COL19A1: variants seen among roughly 807,000 people sequenced by gnomAD.
COL19A1 encodes the protein collagen alpha-1(XIX) chain.
COL19A1 carries 159 observed loss-of-function variants against 190.2 expected under a neutral mutation model. That is an observed-to-expected ratio of 0.84 (90% CI 0.73 to 0.95). The LOEUF (loss-of-function observed/expected upper bound fraction) is 0.95, where lower values mean the gene tolerates loss of function less well. Among genes scored for constraint, COL19A1 ranks in the 40% least tolerant of loss-of-function variants. COL19A1 has a pLI of 0.00. For missense variants in COL19A1, 1,418 were observed against 1,431.9 expected (o/e 0.99, Z 0.16); for synonymous variants, 509 against 458.9 (o/e 1.11, Z -1.39).
intron 40 of COL19A1, among the ~76,000 whole-genome samples, 162 bp from the exon 41 acceptor site, chr6:70,171,801 TG>T (rs1765516844): frequency 6.6e-6 from 1 of 152,192 alleles, no homozygotes; most frequent in African/African-American, 2.4e-5. Flanking sequence ...AAACATCAAA[TG>T]CAATAATACA....
intron 7 of COL19A1, among the ~76,000 whole-genome samples, chr6:69,933,437 T>C (rs1332182804): frequency 6.6e-6 from 1 of 152,096 alleles, no homozygotes; most frequent in Non-Finnish European, 1.5e-5. Flanking sequence ...GCAAACACTT[T>C]ATTCAGAAAC....
chr6:69,879,704 C>G (rs369123809), intron 2 of COL19A1, 46 bp downstream of exon 2: 207 of 1,533,144 alleles, frequency 1.4e-4, no homozygotes, highest in South Asian at 5.7e-4. Flanking sequence ...TTATTTATAG[C>G]CTTTAAGTCA....
intron 14 of COL19A1, among the ~76,000 whole-genome samples, chr6:70,042,130 C>A (rs1322772761): frequency 6.6e-6 from 1 of 151,962 alleles, no homozygotes; most frequent in Non-Finnish European, 1.5e-5. Context: ...AAGTGCCTAG[C>A]AGAGATGGGG....
chr6:70,047,941 A>G lies in COL19A1; in HGVS notation c.1170+12002A>G, dbSNP rs1779997385. On this transcript the variant is annotated intron_variant, in intron 14 of 50. Transcript: ENST00000620364. ...GCTATTTCATGTAATATATCCACTA[A>G]TTTTAGTTCCTAGGAAAATGGCTGT... is the stretch of plus-strand genomic sequence containing the variant. 3.9e-5 allele frequency among the ~76,000 whole-genome samples: 6 copies of G among 152,204 alleles called. No homozygotes were observed. The South Asian group carries it at 1.2e-3, about 32-fold the overall frequency.
At chr6:69,942,779 A>G (rs1399262682) in intron 9 of COL19A1, among the ~76,000 whole-genome samples, 2 of 134,570 alleles carry the variant, frequency 1.5e-5, no homozygotes, top group African/African-American at 6.1e-5. Context: ...TGTATAAAAC[A>G]TTTTCTTTAT....
At position 70,210,909 on chromosome 6, in the gene COL19A1, T is replaced by C. The variant is rs624243; in HGVS notation, c.*3635T>C. Among the ~76,000 whole-genome samples the C allele has an allele frequency of 0.83, 126,029 of 152,138 alleles. 52,851 individuals are homozygous for C. The highest frequency in any genetic ancestry group is 0.96 in the African/African-American group (39,718 of 41,550). On this transcript the variant is annotated 3_prime_UTR_variant, in exon 51 of 51. Coordinates refer to ENST00000620364, the MANE Select transcript of COL19A1 (RefSeq NM_001858.6). The stretch of plus-strand genomic sequence containing the variant: ...GTTGACTGTTTTGATTTTATTTCTT[T>C]GGTGGATATATATGTACTTATACAC...
chr6:70,207,087 G>A, intron 50 of COL19A1, 60 bp from the exon 51 acceptor site: 1 of 1,604,806 alleles, frequency 6.2e-7, no homozygotes, highest in Non-Finnish European at 8.5e-7. Context: ...TTGGCTAGAG[G>A]GTGGGAGAGA....
At chr6:69,941,825 A>AT (rs1773486347) in intron 9 of COL19A1, among the ~76,000 whole-genome samples, 1 of 151,742 alleles carries the variant, frequency 6.6e-6, no homozygotes, top group Non-Finnish European at 1.5e-5. Flanking sequence ...AGTAGTTGAG[A>AT]TTACAGGCAC....
intron 4 of COL19A1, among the ~76,000 whole-genome samples, chr6:69,913,392 T>G (rs577696690): frequency 6.6e-6 from 1 of 152,322 alleles, no homozygotes; most frequent in Admixed American, 6.5e-5. Context: ...GAATTATTTC[T>G]GTTTGGAAGG....
At chr6:70,132,679 G>A (rs1241453945) in intron 18 of COL19A1, among the ~76,000 whole-genome samples, 1 of 152,048 alleles carries the variant, frequency 6.6e-6, no homozygotes, top group Admixed American at 6.6e-5. Context: ...CCACACTCAG[G>A]CTCCATCCAC....
intron 15 of COL19A1, among the ~76,000 whole-genome samples, chr6:70,077,719 C>T (rs1407924739): frequency 6.6e-6 from 1 of 152,174 alleles, no homozygotes; most frequent in South Asian, 2.1e-4. Flanking sequence ...GAGATGTTAA[C>T]AATGTGTCTA....
At chr6:70,076,937 A>G (rs548308549) in intron 15 of COL19A1, among the ~76,000 whole-genome samples, 1 of 152,342 alleles carries the variant, frequency 6.6e-6, no homozygotes, top group East Asian at 1.9e-4. Context: ...GTCAAGTAGA[A>G]AGTTATTTAT....
rs1314469549 is a variant in COL19A1 at position 70,208,325 on chromosome 6, T to C, written c.*1051T>C. On this transcript the variant is annotated 3_prime_UTR_variant, in exon 51 of 51. Coordinates refer to ENST00000620364, the MANE Select transcript of COL19A1 (RefSeq NM_001858.6). ...ATGTGTAGTGTCAGCAAATGCATGT[T>C]AAGAAGGTGAAGCCCAAAAGCTCTT... 6.6e-6 allele frequency: 1 copy of C among 152,224 alleles called. No homozygotes were observed. The highest frequency in any genetic ancestry group is 1.5e-5 in the Non-Finnish European group (1 of 68,056). 9.4% of individuals were successfully genotyped at this position (152,224 alleles called of 1,614,324 possible).
At chr6:69,874,430 A>C (rs1768011576) in intron 1 of COL19A1, among the ~76,000 whole-genome samples, 1 of 152,222 alleles carries the variant, frequency 6.6e-6, no homozygotes, top group Admixed American at 6.5e-5. Flanking sequence ...TGAATAATAG[A>C]ACCCTCAAAT....
At chr6:70,072,785 A>T (rs1781635825) in intron 15 of COL19A1, among the ~76,000 whole-genome samples, 1 of 151,936 alleles carries the variant, frequency 6.6e-6, no homozygotes, top group African/African-American at 2.4e-5. Flanking sequence ...GTTTCTTTGC[A>T]CCAGCCCACA....
At chr6:70,097,676 A>C (rs1313160116) in intron 15 of COL19A1, among the ~76,000 whole-genome samples, 1 of 152,202 alleles carries the variant, frequency 6.6e-6, no homozygotes. Flanking sequence ...TGCCAAACAG[A>C]AAACTGACAT....
intron 14 of COL19A1, among the ~76,000 whole-genome samples, chr6:70,058,231 G>A (rs1333950735): frequency 6.6e-6 from 1 of 151,998 alleles, no homozygotes; most frequent in Non-Finnish European, 1.5e-5. Context: ...GCAACCACAT[G>A]GAACGATCAT....
chr6:69,866,840 A>C (rs970749675), intron 1 of COL19A1, among the ~76,000 whole-genome samples, 200 bp downstream of exon 1: 8 of 152,168 alleles, frequency 5.3e-5, no homozygotes, highest in Admixed American at 4.6e-4. Context: ...TAAGGATGGG[A>C]CCAAAAACGT....
rs1787933106 is a variant in COL19A1 at position 70,163,374 on chromosome 6, C to T, written c.2378C>T (p.Pro793Leu). 1 of 1,612,084 alleles carries T rather than the reference C, an allele frequency of 6.2e-7. No homozygotes were observed. The highest frequency in any genetic ancestry group is 8.5e-7 in the Non-Finnish European group (1 of 1,179,030). ...ATGGGAAGAACTGGACATCCTGGTC[C>T]CACAGGAGCAAAAGGTGAAAAGGTA... ...GLMGRTGHPGPTGAKGEKGSD... is the reference protein window; with the variant it reads ...GLMGRTGHPGLTGAKGEKGSD... Residue 793 changes from proline to leucine, a missense_variant, in exon 36 of 51, where the codon CCC (proline) becomes CTC (leucine). Coordinates refer to ENST00000620364, the MANE Select transcript of COL19A1 (RefSeq NM_001858.6).
Sources: allele counts gnomAD v4.1 joint callset (sites outside exome capture counted in the v4.1 genomes callset), GRCh38; gene constraint gnomAD v4.1.1; transcripts MANE v1.5; gene names NCBI Gene and HGNC (gene_info 2026-07-23, HGNC 2026-07-21).